The following FGF13 variants were observed in gnomAD, a reference collection of about 807,000 sequenced individuals.
FGF13 encodes the protein fibroblast growth factor homologous factor 2.
A neutral mutation model predicts 19.5 loss-of-function variants in FGF13; 2 were observed. That is an observed-to-expected ratio of 0.10 (90% CI 0.04 to 0.32). FGF13 has a LOEUF of 0.32. FGF13 is among the 10% of genes least tolerant of loss of function. The pLI is 1.00. For missense variants in FGF13, 113 were observed against 192.7 expected (o/e 0.59, Z 2.45); for synonymous variants, 72 against 76.9 (o/e 0.94, Z 0.33).
At chrX:139,185,043 T>C (rs2084271997) in intron 1 of FGF13, among the ~76,000 whole-genome samples, 1 of 111,887 alleles carries the variant, frequency 8.9e-6, no homozygotes. Flanking sequence ...GTACTTGTAT[T>C]AAGTTTGTTT....
At chrX:139,160,840 C>T (rs1216190601) in intron 1 of FGF13, among the ~76,000 whole-genome samples, 3 of 111,709 alleles carry the variant, frequency 2.7e-5, no homozygotes, top group African/African-American at 3.3e-5. Context: ...GTTCTGAAAT[C>T]GAGGCAGTAA....
intron 1 of FGF13, among the ~76,000 whole-genome samples, chrX:139,058,562 T>C (rs908651984): frequency 9.0e-6 from 1 of 111,653 alleles, no homozygotes; most frequent in African/African-American, 3.3e-5. Flanking sequence ...CAATTTTCTA[T>C]ATCAGTTGTT....
rs909104213 is a variant in FGF13 at position 138,623,776 on chromosome X, C to T, written c.*9074G>A. 9.0e-6 allele frequency: 1 copy of T among 110,661 alleles called. No homozygotes were observed. Among genetic ancestry groups the T allele is most frequent in the Non-Finnish European group, 1.9e-5 (1 of 53,019 alleles). 9.1% of individuals were successfully genotyped at this position (110,661 alleles called of 1,213,427 possible). On this transcript the variant is annotated 3_prime_UTR_variant, in exon 5 of 5. Coordinates refer to ENST00000315930, the MANE Select transcript of FGF13 (RefSeq NM_004114.5). ...TGGGTGACAGAGCAAGACTCCATCT[C>T]AAAAACAAACAAACAAACAAACAAA...
rs111892989 is a variant in FGF13 at position 138,796,351 on chromosome X, G to A, written c.217+61161C>T. Among the ~76,000 whole-genome samples the A allele has an allele frequency of 6.3e-3, 708 of 111,664 alleles. 4 individuals are homozygous for A. Among genetic ancestry groups the A allele is most frequent in the African/African-American group, 0.021 (658 of 30,706 alleles). The stretch of plus-strand genomic sequence containing the variant: ...TTTTCCATTCCTGTGTTAGTTTGCT[G>A]AGAATGATGGTTTCCAGCTTCATCC... On this transcript the variant is annotated intron_variant, in intron 3 of 6. Coordinates refer to the FGF13 transcript ENST00000436198.
At chrX:139,153,086 C>T (rs1219592843) in intron 1 of FGF13, among the ~76,000 whole-genome samples, 1 of 111,309 alleles carries the variant, frequency 9.0e-6, no homozygotes, top group Non-Finnish European at 1.9e-5. Flanking sequence ...TCAGTGAATC[C>T]TCAGGGCCTA....
upstream of FGF13, among the ~76,000 whole-genome samples, chrX:138,743,608 G>A (rs2090334349): frequency 1.8e-5 from 2 of 111,124 alleles, no homozygotes; most frequent in Non-Finnish European, 3.8e-5. Flanking sequence ...TTCTAGTGGG[G>A]AGGCCATCCA....
intron 3 of FGF13, among the ~76,000 whole-genome samples, chrX:138,654,336 T>C (rs2089410451): frequency 8.9e-6 from 1 of 112,237 alleles, no homozygotes; most frequent in South Asian, 3.7e-4. Context: ...TAAAATAGCA[T>C]AGTAATGGCT....
At chrX:139,198,204 T>G (rs57997487) in intron 1 of FGF13, among the ~76,000 whole-genome samples, 2,883 of 110,885 alleles carry the variant, frequency 0.026, 101 homozygotes, top group African/African-American at 0.088. Context: ...AAATTTCAAT[T>G]ACAAAAAAAG....
At chrX:138,817,897 T>C (rs2090972132) in intron 3 of FGF13, among the ~76,000 whole-genome samples, 1 of 112,072 alleles carries the variant, frequency 8.9e-6, no homozygotes, top group Admixed American at 9.5e-5. Flanking sequence ...CTCAATTCTG[T>C]TGTAACGTAA....
intron 1 of FGF13, among the ~76,000 whole-genome samples, chrX:139,074,732 C>T (rs778503980): frequency 8.9e-6 from 1 of 112,171 alleles, no homozygotes; most frequent in East Asian, 2.8e-4. Flanking sequence ...TGGAAGTCTC[C>T]GCCCCCTTCT....
intron 1 of FGF13, among the ~76,000 whole-genome samples, chrX:139,195,194 C>T (rs1331434706): frequency 9.0e-6 from 1 of 111,410 alleles, no homozygotes; most frequent in Non-Finnish European, 1.9e-5. Context: ...CCCAGCTAGC[C>T]GAAAAACAAA....
At chrX:138,819,597 A>G (rs772882206) in intron 3 of FGF13, among the ~76,000 whole-genome samples, 152 of 111,588 alleles carry the variant, frequency 1.4e-3, no homozygotes, top group Middle Eastern at 9.2e-3. Flanking sequence ...TGCTTTCAGA[A>G]TTCCGCTTTT....
At chrX:138,706,377 T>G (rs1399739226) in intron 2 of FGF13, among the ~76,000 whole-genome samples, 1 of 112,293 alleles carries the variant, frequency 8.9e-6, no homozygotes, top group Non-Finnish European at 1.9e-5. Flanking sequence ...GTAATAAATC[T>G]ACGTAAGGTA....
rs767552279 is a variant in FGF13 at position 138,623,435 on chromosome X, T to TA, written c.*9414dup. On this transcript the variant is annotated 3_prime_UTR_variant, in exon 5 of 5. Coordinates refer to ENST00000315930, the MANE Select transcript of FGF13 (RefSeq NM_004114.5). ...CACCAATGTTGATACAAAATCAACATAAAAAATCAGTTGTTTCTGTACACT... is the reference window on the plus strand; with the variant it reads ...CACCAATGTTGATACAAAATCAACATAAAAAAATCAGTTGTTTCTGTACACT... 2 of 111,172 alleles carry TA rather than the reference T, an allele frequency of 1.8e-5. No individual in the cohort carries two copies. Among genetic ancestry groups the TA allele is most frequent in the African/African-American group, 3.3e-5 (1 of 30,573 alleles). 9.2% of individuals were successfully genotyped at this position (111,172 alleles called of 1,213,427 possible).
rs1046939781 is a variant in FGF13 at position 138,625,529 on chromosome X, A to C, written c.*7321T>G. On this transcript the variant is annotated 3_prime_UTR_variant, in exon 5 of 5. Transcript: ENST00000315930. The stretch of plus-strand genomic sequence containing the variant: ...TATATATAATATAATATATATATAT[A>C]TCTTAGCCATATAAAGAGGGAGCTC... The C allele has an allele frequency of 1.0e-5, 1 of 98,381 alleles. No homozygotes were observed. The highest frequency in any genetic ancestry group is 1.2e-4 in the Admixed American group (1 of 8,406). The allele number at this position is 98,381 out of a possible 1,213,427, so 8.1% of individuals were successfully genotyped here.
chrX:139,002,844 A>C (rs2092079841), intron 1 of FGF13, among the ~76,000 whole-genome samples: 1 of 111,899 alleles, frequency 8.9e-6, no homozygotes, highest in African/African-American at 3.3e-5. Context: ...TGCTGACTAA[A>C]GAGCCCTTGG....
chrX:139,100,742 A>T (rs1364443392), intron 1 of FGF13, among the ~76,000 whole-genome samples: 1 of 111,821 alleles, frequency 8.9e-6, no homozygotes, highest in Non-Finnish European at 1.9e-5. Flanking sequence ...GAAGCCAAGC[A>T]TCACATTCAA....
chrX:138,841,104 T>C, intron 3 of FGF13, among the ~76,000 whole-genome samples: 1 of 111,077 alleles, frequency 9.0e-6, no homozygotes. Context: ...AATGGTGAGA[T>C]GTTGGGTAAG....
chrX:138,620,064 C>T lies in FGF13; in HGVS notation c.*12786G>A, dbSNP rs890303901. On this transcript the variant is annotated 3_prime_UTR_variant, in exon 5 of 5. Coordinates refer to ENST00000315930, the MANE Select transcript of FGF13 (RefSeq NM_004114.5). ...CAAAAGAGCAAAGATGTGGAATCAA[C>T]CCAAATGCCCATCAATGATACAGTG... The T allele has an allele frequency of 8.9e-6, 1 of 111,901 alleles. No homozygotes were observed. Among genetic ancestry groups the T allele is most frequent in the African/African-American group, 3.3e-5 (1 of 30,749 alleles). 9.2% of individuals were successfully genotyped at this position (111,901 alleles called of 1,213,427 possible).
Sources: allele counts gnomAD v4.1 joint callset (sites outside exome capture counted in the v4.1 genomes callset), GRCh38; gene constraint gnomAD v4.1.1; transcripts MANE v1.5; gene names NCBI Gene and HGNC (gene_info 2026-07-23, HGNC 2026-07-21).